Variants in POLA1 observed in about 807,000 individuals in gnomAD.
POLA1 encodes DNA polymerase alpha 1, catalytic subunit, also known as DNA polymerase alpha catalytic subunit.
POLA1 carries 15 observed loss-of-function variants against 124.0 expected under a neutral mutation model. That is an observed-to-expected ratio of 0.12 (90% CI 0.08 to 0.19). The LOEUF (loss-of-function observed/expected upper bound fraction) is 0.19. POLA1 is among the 10% of genes least tolerant of loss of function. The pLI is 1.00. For missense variants in POLA1, 886 were observed against 1,103.4 expected (o/e 0.80, Z 2.79); for synonymous variants, 408 against 389.4 (o/e 1.05, Z -0.56).
At chrX:24,966,759 A>G (rs1306893225) in intron 36 of POLA1, among the ~76,000 whole-genome samples, 1 of 112,022 alleles carries the variant, frequency 8.9e-6, no homozygotes, top group African/African-American at 3.2e-5. Context: ...GATATGTGCA[A>G]TCATGGTCCG....
chrX:24,918,374 A>G (rs1279162011), intron 35 of POLA1, among the ~76,000 whole-genome samples: 46 of 111,936 alleles, frequency 4.1e-4, no homozygotes, highest in Non-Finnish European at 3.8e-5. Context: ...ATATAACCTC[A>G]TTATAGACTG....
At chrX:24,943,163 T>C (rs992695105) in intron 36 of POLA1, among the ~76,000 whole-genome samples, 57 of 112,736 alleles carry the variant, frequency 5.1e-4, no homozygotes, top group African/African-American at 1.8e-3. Flanking sequence ...AATGTAAGTA[T>C]TTTGACATGA....
At chrX:24,739,965 T>C (rs1051917996) in intron 20 of POLA1, among the ~76,000 whole-genome samples, 3 of 111,698 alleles carry the variant, frequency 2.7e-5, no homozygotes, top group Non-Finnish European at 5.7e-5. Flanking sequence ...GACTTCTCTT[T>C]TCTGACTTTG....
intron 34 of POLA1, among the ~76,000 whole-genome samples, chrX:24,886,773 G>A (rs11573456): frequency 3.1e-4 from 35 of 112,319 alleles, no homozygotes; most frequent in African/African-American, 6.5e-4. Flanking sequence ...GTGGTTATGC[G>A]TGTTATTGAT....
chrX:24,971,847 C>A (rs370259682), intron 36 of POLA1, among the ~76,000 whole-genome samples: 21 of 111,562 alleles, frequency 1.9e-4, no homozygotes, highest in Admixed American at 1.7e-3. Flanking sequence ...AGTATTACCT[C>A]ACTACTCTAA....
At chrX:24,894,293 C>G (rs1339176974) in intron 35 of POLA1, among the ~76,000 whole-genome samples, 1 of 112,064 alleles carries the variant, frequency 8.9e-6, no homozygotes. Context: ...TCCATACTTG[C>G]AGTGTTTTTC....
intron 26 of POLA1, among the ~76,000 whole-genome samples, chrX:24,801,924 G>GGGGTGTGT (rs759368851): frequency 1.2e-3 from 92 of 74,541 alleles, no homozygotes; most frequent in African/African-American, 4.2e-3. Flanking sequence ...GAGGTGGGTG[G>GGGGTGTGT]GTGTGTGTGT....
chrX:24,962,177 G>A (rs967414641), intron 36 of POLA1, among the ~76,000 whole-genome samples: 1 of 111,614 alleles, frequency 9.0e-6, no homozygotes, highest in Non-Finnish European at 1.9e-5. Context: ...GAGGATAGGT[G>A]ATGTGATCAA....
intron 31 of POLA1, among the ~76,000 whole-genome samples, chrX:24,821,989 G>A (rs1156938687): frequency 1.8e-5 from 2 of 110,782 alleles, no homozygotes; most frequent in Non-Finnish European, 3.8e-5. Flanking sequence ...ATTATACGGA[G>A]AAGTTGAGAG....
At chrX:24,950,632 A>G (rs2048024209) in intron 36 of POLA1, among the ~76,000 whole-genome samples, 1 of 112,202 alleles carries the variant, frequency 8.9e-6, no homozygotes, top group Non-Finnish European at 1.9e-5. Context: ...TGCCTTCCAT[A>G]AAGATTTTGA....
intron 26 of POLA1, among the ~76,000 whole-genome samples, chrX:24,802,140 C>T (rs1039384394): frequency 9.0e-6 from 1 of 110,518 alleles, no homozygotes; most frequent in Admixed American, 9.7e-5. Context: ...TGATGGGGCC[C>T]GCTCACACTG....
At chrX:24,962,324 C>G (rs950019274) in intron 36 of POLA1, among the ~76,000 whole-genome samples, 2 of 111,515 alleles carry the variant, frequency 1.8e-5, no homozygotes, top group Non-Finnish European at 3.8e-5. Flanking sequence ...CAACAGTTTA[C>G]CATTTGTGCC....
At chrX:24,709,498 C>A (rs1484184016) in intron 4 of POLA1, among the ~76,000 whole-genome samples, 5 of 109,678 alleles carry the variant, frequency 4.6e-5, no homozygotes, top group Admixed American at 1.9e-4. Context: ...TGACCCCCCC[C>A]ACCTCCCTCC....
chrX:24,839,897 A>G (rs760384710), intron 32 of POLA1, among the ~76,000 whole-genome samples: 3 of 112,031 alleles, frequency 2.7e-5, no homozygotes, highest in Non-Finnish European at 3.8e-5. Flanking sequence ...ACCCCTCACT[A>G]CAGAGATGAA....
At chrX:24,786,941 C>T (rs960124631) in intron 26 of POLA1, among the ~76,000 whole-genome samples, 40 of 108,081 alleles carry the variant, frequency 3.7e-4, no homozygotes, top group African/African-American at 1.1e-3. Context: ...TCACCATAGC[C>T]GCCCTAATTT....
intron 34 of POLA1, among the ~76,000 whole-genome samples, chrX:24,849,650 G>A (rs1305779804): frequency 2.5e-5 from 2 of 79,779 alleles, no homozygotes; most frequent in African/African-American, 5.1e-5. Flanking sequence ...TTTTTTTTTC[G>A]AGACGGAGTC....
In POLA1 at chrX:24,996,219, T is replaced by G. The variant is rs935929322; in HGVS notation, c.*269T>G. 2.0e-5 allele frequency: 5 copies of G among 250,156 alleles called. No individual in the cohort carries two copies. The highest frequency in any genetic ancestry group is 1.3e-4 in the Admixed American group (2 of 15,402). The allele number at this position is 250,156 out of a possible 1,213,427, so 20.6% of individuals were successfully genotyped here. On this transcript the variant is annotated 3_prime_UTR_variant, in exon 37 of 37. Transcript: ENST00000379068. ...CCCCAAGCTCCCCTCCCCAAGCTCC[T>G]GAAGACCCGGTTTCTGAGGGAGGGA... is the stretch of plus-strand genomic sequence containing the variant.
intron 26 of POLA1, among the ~76,000 whole-genome samples, chrX:24,779,945 T>C (rs1416083111): frequency 1.8e-5 from 2 of 112,038 alleles, no homozygotes; most frequent in Non-Finnish European, 3.8e-5. Flanking sequence ...TGGTTGAATA[T>C]CAGCCATTTC....
At chrX:24,955,027 C>T (rs1354867396) in intron 36 of POLA1, among the ~76,000 whole-genome samples, 1 of 111,968 alleles carries the variant, frequency 8.9e-6, no homozygotes, top group Non-Finnish European at 1.9e-5. Flanking sequence ...GCGAAGTCTA[C>T]CAACTTCATT....
Sources: allele counts gnomAD v4.1 joint callset (sites outside exome capture counted in the v4.1 genomes callset), GRCh38; gene constraint gnomAD v4.1.1; transcripts MANE v1.5; gene names NCBI Gene and HGNC (gene_info 2026-07-23, HGNC 2026-07-21).